Variants in METTL15 observed in about 807,000 individuals in gnomAD.
METTL15 encodes 12S rRNA N(4)-cytidine methyltransferase METTL15.
Under a neutral mutation model 38.3 loss-of-function variants are expected in METTL15, and 34 were observed. The ratio of observed to expected loss-of-function variants is 0.89; its 90% confidence interval spans 0.68 to 1.18. The LOEUF is 1.18. Ranked by LOEUF, METTL15 falls within the 50% of genes most tolerant of loss-of-function variation. METTL15 has a pLI of 0.00. For synonymous variants in METTL15, 162 were observed against 170.9 expected (o/e 0.95, Z 0.41); for missense variants, 438 against 498.4 (o/e 0.88, Z 1.15).
At chr11:28,178,865 T>A (rs1430440735) in intron 3 of METTL15, among the ~76,000 whole-genome samples, 1 of 151,854 alleles carries the variant, frequency 6.6e-6, no homozygotes, top group Admixed American at 6.6e-5. Context: ...AAATTCTCAT[T>A]TTTATGAACC....
At chr11:28,207,756 G>T (rs771211835) in intron 3 of METTL15, among the ~76,000 whole-genome samples, 13 of 152,090 alleles carry the variant, frequency 8.5e-5, no homozygotes, top group Non-Finnish European at 1.6e-4. Context: ...TTTTTGGATG[G>T]TAAGCTATTG....
At chr11:28,349,903 T>C (rs979169672) in intron 3 of METTL15, among the ~76,000 whole-genome samples, 1 of 152,176 alleles carries the variant, frequency 6.6e-6, no homozygotes, top group Non-Finnish European at 1.5e-5. Flanking sequence ...GTAAGGAGTA[T>C]AGAATTGCAC....
At chr11:28,459,148 T>C (rs1219797667) in intron 6 of METTL15, among the ~76,000 whole-genome samples, 2 of 152,204 alleles carry the variant, frequency 1.3e-5, no homozygotes, top group Non-Finnish European at 2.9e-5. Context: ...TGGTATTTCC[T>C]ATCCAAAATG....
At chr11:28,315,439 C>T (rs896692260) in intron 6 of METTL15, among the ~76,000 whole-genome samples, 1 of 152,168 alleles carries the variant, frequency 6.6e-6, no homozygotes, top group Admixed American at 6.5e-5. Flanking sequence ...AGCAGCAAAG[C>T]ATTCAAGAGG....
intron 4 of METTL15, among the ~76,000 whole-genome samples, chr11:28,242,971 A>G (rs1854362000): frequency 6.6e-6 from 1 of 152,106 alleles, no homozygotes; most frequent in Non-Finnish European, 1.5e-5. Flanking sequence ...AAAGGTGCTA[A>G]TAGAGATTAA....
chr11:28,157,010 C>T (rs1850287035), intron 3 of METTL15, among the ~76,000 whole-genome samples: 1 of 152,114 alleles, frequency 6.6e-6, no homozygotes. Flanking sequence ...AAATCGTAAA[C>T]TCTTTATTTT....
intron 5 of METTL15, among the ~76,000 whole-genome samples, chr11:28,375,285 C>T (rs1021222066): frequency 4.1e-5 from 6 of 145,510 alleles, no homozygotes; most frequent in African/African-American, 1.5e-4. Context: ...AGCTGTGAAT[C>T]CATCTGGTCC....
intron 3 of METTL15, among the ~76,000 whole-genome samples, chr11:28,207,278 G>A (rs372046321): frequency 6.6e-5 from 10 of 152,044 alleles, no homozygotes; most frequent in African/African-American, 1.7e-4. Context: ...TTTGAGATAC[G>A]TCCCATCAAT....
intron 3 of METTL15, among the ~76,000 whole-genome samples, chr11:28,348,637 A>C (rs1044364335): frequency 2.0e-5 from 3 of 152,060 alleles, no homozygotes; most frequent in Non-Finnish European, 4.4e-5. Context: ...AAGTGCTGAA[A>C]TTACATACAG....
intron 6 of METTL15, among the ~76,000 whole-genome samples, chr11:28,513,671 A>G (rs985893369): frequency 3.9e-5 from 6 of 152,208 alleles, no homozygotes; most frequent in Non-Finnish European, 7.3e-5. Context: ...AGTCATTAGC[A>G]TTGTTTCTAT....
At chr11:28,456,519 G>A (rs1008917985) in intron 6 of METTL15, among the ~76,000 whole-genome samples, 1 of 151,184 alleles carries the variant, frequency 6.6e-6, no homozygotes, top group Non-Finnish European at 1.5e-5. Context: ...TCAGCTCTCT[G>A]TAACCTCCTC....
chr11:28,237,011 C>G (rs192094786), intron 4 of METTL15, among the ~76,000 whole-genome samples: 159 of 152,254 alleles, frequency 1.0e-3, no homozygotes, highest in Admixed American at 3.3e-3. Flanking sequence ...GTAACCCGAT[C>G]TTTCTCTGTG....
chr11:28,460,697 C>A (rs971805702), intron 6 of METTL15, among the ~76,000 whole-genome samples: 5 of 151,982 alleles, frequency 3.3e-5, no homozygotes, highest in African/African-American at 1.2e-4. Flanking sequence ...AATTACACAT[C>A]ACATGGAGAT....
intron 6 of METTL15, among the ~76,000 whole-genome samples, chr11:28,503,051 G>T (rs1851597740): frequency 6.6e-6 from 1 of 152,224 alleles, no homozygotes; most frequent in Non-Finnish European, 1.5e-5. Flanking sequence ...CCAAGAGTCA[G>T]CTGGGGGCTC....
intron 3 of METTL15, among the ~76,000 whole-genome samples, chr11:28,202,309 CTG>C (rs1852146514): frequency 6.6e-6 from 1 of 152,064 alleles, no homozygotes. Flanking sequence ...AGGATGAACT[CTG>C]AGTTCTGCTT....
At chr11:28,200,839 A>G (rs768692129) in intron 3 of METTL15, among the ~76,000 whole-genome samples, 2 of 152,142 alleles carry the variant, frequency 1.3e-5, no homozygotes, top group Non-Finnish European at 2.9e-5. Context: ...ATATAAAGTC[A>G]TGTCATCTTC....
intron 5 of METTL15, among the ~76,000 whole-genome samples, chr11:28,383,757 G>A (rs898855609): frequency 6.6e-6 from 1 of 151,966 alleles, no homozygotes; most frequent in African/African-American, 2.4e-5. Context: ...CCATGTGTAT[G>A]TCTTCTTTTC....
At chr11:28,315,857 A>G (rs1857461295) in intron 6 of METTL15, among the ~76,000 whole-genome samples, 1 of 152,220 alleles carries the variant, frequency 6.6e-6, no homozygotes, top group African/African-American at 2.4e-5. Context: ...GGCAGCTTCT[A>G]TGTGGTGTTG....
Position 28,123,916 on chromosome 11 carries a change from A to C in METTL15, c.270+10312A>C, listed in dbSNP as rs188198164. 173 of 1,430,174 alleles carry C rather than the reference A, an allele frequency of 1.2e-4. No homozygotes were observed. In the African/African-American group the frequency reaches 2.1e-3, roughly 17 times the overall value. The allele number at this position is 1,430,174 out of a possible 1,614,324, so 88.6% of individuals were successfully genotyped here. Reference sequence around the variant, plus strand: ...TATTCATAAAGATGGAGAATTTCCCACTTGAGGCGAGTATACACTGGGAAG... The same window carrying C: ...TATTCATAAAGATGGAGAATTTCCCCCTTGAGGCGAGTATACACTGGGAAG... On this transcript the variant is annotated intron_variant, in intron 3 of 6. Transcript: ENST00000407364.
Sources: gnomAD v4.1 joint callset for allele counts (sites outside exome capture counted in the v4.1 genomes callset) on GRCh38, gnomAD v4.1.1 for gene constraint, MANE v1.5 for transcripts, NCBI Gene and HGNC (gene_info 2026-07-23, HGNC 2026-07-21) for gene names.